PCNT: variants seen among roughly 807,000 people sequenced by gnomAD.
PCNT encodes pericentrin, also known as kendrin.
A neutral mutation model predicts 380.4 loss-of-function variants in PCNT; 319 were observed. That is an observed-to-expected ratio of 0.84 (90% CI 0.77 to 0.92). The LOEUF is 0.92. Among genes scored for constraint, PCNT ranks in the 40% least tolerant of loss-of-function variants. PCNT has a pLI of 0.00. For synonymous variants in PCNT, 1,845 were observed against 1,735.2 expected (o/e 1.06, Z -1.57); for missense variants, 4,400 against 4,255.3 (o/e 1.03, Z -0.95).
chr21:46,339,951 T>G (rs1474712365), intron 3 of PCNT, among the ~76,000 whole-genome samples: 1 of 152,146 alleles, frequency 6.6e-6, no homozygotes, highest in Non-Finnish European at 1.5e-5. Context: ...TACCTGTTCT[T>G]TCTCTCCATT....
intron 34 of PCNT, 46 bp downstream of exon 34, chr21:46,427,841 C>G: frequency 1.3e-6 from 2 of 1,585,952 alleles, no homozygotes; most frequent in Non-Finnish European, 1.7e-6. Context: ...CCCAGGGGTC[C>G]AGCCCTGGCA....
intron 1 of PCNT, among the ~76,000 whole-genome samples, 184 bp from the exon 2 acceptor site, chr21:46,326,193 A>AC (rs2083389769): frequency 6.6e-6 from 1 of 152,100 alleles, no homozygotes; most frequent in Non-Finnish European, 1.5e-5. Flanking sequence ...TCATTGTTAG[A>AC]CCCCTTGGAT....
chr21:46,427,873 T>C (rs2087575747), intron 34 of PCNT, 78 bp downstream of exon 34: 2 of 1,497,640 alleles, frequency 1.3e-6, no homozygotes, highest in South Asian at 1.1e-5. Context: ...ACAGACTGTT[T>C]TGTGTGTGAA....
At chr21:46,437,154 T>A in intron 40 of PCNT, 73 bp downstream of exon 40, 1 of 934,042 alleles carries the variant, frequency 1.1e-6, no homozygotes. Flanking sequence ...GCTTTGTGGT[T>A]CTTTTTCACG....
chr21:46,405,682 C>T (rs550420342), intron 27 of PCNT, among the ~76,000 whole-genome samples: 1 of 151,846 alleles, frequency 6.6e-6, no homozygotes, highest in East Asian at 1.9e-4. Flanking sequence ...GGCGACAGAG[C>T]AAGACTCGTC....
In PCNT at chr21:46,427,804, C is replaced by T; in HGVS notation, c.7494+9C>T. ...AGATCATCCGTGAGCAGGTGAGTGT[C>T]AGCTCTGCCACCAGGCCTCAGTTTG... On this transcript the variant is annotated intron_variant, in intron 34 of 46. Coordinates refer to ENST00000359568, the MANE Select transcript of PCNT (RefSeq NM_006031.6). 6.2e-7 allele frequency: 1 copy of T among 1,612,980 alleles called. No homozygotes were observed.
intron 25 of PCNT, 67 bp from the exon 26 acceptor site, chr21:46,401,484 C>G: frequency 7.8e-7 from 1 of 1,275,134 alleles, no homozygotes; most frequent in Non-Finnish European, 1.1e-6. Context: ...TGTGCTTTAA[C>G]AGGCAGCAGT....
chr21:46,332,493 G>T (rs1569159900), intron 2 of PCNT, among the ~76,000 whole-genome samples: 1 of 152,194 alleles, frequency 6.6e-6, no homozygotes, highest in Non-Finnish European at 1.5e-5. Context: ...ACAAACATTA[G>T]AAGTGTCCTC....
At chr21:46,375,210 G>A (rs547619149) in intron 15 of PCNT, among the ~76,000 whole-genome samples, 25 of 152,342 alleles carry the variant, frequency 1.6e-4, no homozygotes, top group Middle Eastern at 3.4e-3. Context: ...GCTGAGTGCA[G>A]AAGTGAATCG....
In PCNT at chr21:46,397,562, C is replaced by T. The variant is rs144239040; in HGVS notation, c.4446+68C>T. The T allele has an allele frequency of 2.9e-5, 37 of 1,297,516 alleles. No individual in the cohort carries two copies. The East Asian group carries it at 8.7e-4, about 31-fold the overall frequency. The allele number at this position is 1,297,516 out of a possible 1,614,324, so 80.4% of individuals were successfully genotyped here. On this transcript the variant is annotated intron_variant, in intron 22 of 46. Transcript: ENST00000359568. ...TGCCGTTACAGCATGAACTTCTTTCCAGATCGTTACGTAAGCTTCTGCAGT... is the reference window on the plus strand; with the variant it reads ...TGCCGTTACAGCATGAACTTCTTTCTAGATCGTTACGTAAGCTTCTGCAGT...
chr21:46,396,126 A>C (rs2086201983), intron 21 of PCNT, among the ~76,000 whole-genome samples: 1 of 152,236 alleles, frequency 6.6e-6, no homozygotes, highest in Non-Finnish European at 1.5e-5. Context: ...TTCAGGACTT[A>C]GCAGCAGAGA....
chr21:46,408,193 G>C (rs1297884905), intron 27 of PCNT, among the ~76,000 whole-genome samples: 2 of 152,144 alleles, frequency 1.3e-5, no homozygotes, highest in African/African-American at 2.4e-5. Flanking sequence ...TTTCGAGTCA[G>C]GTGTTGTAAT....
At chr21:46,397,129 TG>T in intron 21 of PCNT, 135 bp from the exon 22 acceptor site, 1 of 725,466 alleles carries the variant, frequency 1.4e-6, no homozygotes, top group Non-Finnish European at 2.5e-6. Flanking sequence ...TTTTAAAAGA[TG>T]GGCGTTTTAC....
chr21:46,331,855 A>AT (rs2083570989), intron 2 of PCNT, among the ~76,000 whole-genome samples: 1 of 152,070 alleles, frequency 6.6e-6, no homozygotes, highest in African/African-American at 2.4e-5. Flanking sequence ...AGGAGAGGCC[A>AT]TTTTTTGGTA....
chr21:46,365,876 A>G (rs370526636), intron 14 of PCNT, among the ~76,000 whole-genome samples: 4 of 100,482 alleles, frequency 4.0e-5, no homozygotes, highest in Non-Finnish European at 6.7e-5. Context: ...GTGGGGTTCT[A>G]TTCACTCACT....
In PCNT at chr21:46,390,773, G is replaced by A. The variant is rs762932270; in HGVS notation, c.3944G>A (p.Cys1315Tyr). The A allele has an allele frequency of 3.7e-6, 6 of 1,612,978 alleles. No individual in the cohort carries two copies. In the African/African-American group the frequency reaches 6.7e-5, roughly 18 times the overall value. ...AGGAAGCACCAGGAGCTGCTGGAGT[G>A]TTTGAAGGAGGAGAGCGCAGCAAAG... ...VVRKHQELLE[C>Y]LKEESAAKAE... The change falls in exon 20 of 47, where the codon TGT (cysteine) becomes TAT (tyrosine). Residue 1315 changes from cysteine (C) to tyrosine (Y), a missense_variant. Coordinates refer to ENST00000359568, the MANE Select transcript of PCNT (RefSeq NM_006031.6).
intron 3 of PCNT, among the ~76,000 whole-genome samples, chr21:46,335,737 G>A (rs1009973943): frequency 2.6e-4 from 39 of 151,090 alleles, no homozygotes; most frequent in African/African-American, 9.2e-4. Flanking sequence ...CTATTGCCCA[G>A]GCTGGTGGTG....
At chr21:46,421,770 T>G (rs944364811) in intron 31 of PCNT, among the ~76,000 whole-genome samples, 200 bp from the exon 32 acceptor site, 1 of 152,240 alleles carries the variant, frequency 6.6e-6, no homozygotes, top group East Asian at 1.9e-4. Context: ...GTTTTCTTAC[T>G]TGACGTGCGT....
At chr21:46,386,481 G>T (rs145083874) in intron 17 of PCNT, among the ~76,000 whole-genome samples, 3 of 152,350 alleles carry the variant, frequency 2.0e-5, no homozygotes, top group Non-Finnish European at 4.4e-5. Context: ...TCCATTGGGA[G>T]CCTGTGCCTG....
Sources: allele counts gnomAD v4.1 joint callset (sites outside exome capture counted in the v4.1 genomes callset), GRCh38; gene constraint gnomAD v4.1.1; transcripts MANE v1.5; gene names NCBI Gene and HGNC (gene_info 2026-07-23, HGNC 2026-07-21).